Variants in TPST1 observed in about 807,000 individuals in gnomAD.
TPST1 encodes tyrosylprotein sulfotransferase 1.
A neutral mutation model predicts 34.8 loss-of-function variants in TPST1; 20 were observed. The ratio of observed to expected loss-of-function variants is 0.57; its 90% confidence interval spans 0.40 to 0.84. TPST1 has a LOEUF of 0.84. Among genes scored for constraint, TPST1 ranks in the 40% least tolerant of loss-of-function variants. The pLI is 0.00. For missense variants in TPST1, 353 were observed against 455.5 expected, an observed-to-expected ratio of 0.78 and a Z score of 2.05; for synonymous variants, 152 against 159.4, an observed-to-expected ratio of 0.95 and a Z score of 0.35.
chr7:66,286,149 CTT>C (rs903300345), intron 2 of TPST1, among the ~76,000 whole-genome samples: 1 of 151,986 alleles, frequency 6.6e-6, no homozygotes, highest in South Asian at 2.1e-4. Context: ...ATCAGTCTGT[CTT>C]TTTTTTGGTA....
At chr7:66,359,853 G>A (rs1490452961) in intron 5 of TPST1, 42 bp from the exon 6 acceptor site, 5 of 456,296 alleles carry the variant, frequency 1.1e-5, no homozygotes, top group African/African-American at 4.0e-5. Flanking sequence ...AGAACACACC[G>A]GGACTCCACA....
intron 2 of TPST1, among the ~76,000 whole-genome samples, chr7:66,260,268 C>G (rs1369059299): frequency 1.3e-5 from 2 of 152,066 alleles, no homozygotes; most frequent in Non-Finnish European, 2.9e-5. Context: ...CATATTACAC[C>G]TTATGCACAT....
rs1789117646 is a variant in TPST1, at chr7:66,205,892, T to C, written c.-102+370T>C. The C allele has an allele frequency of 6.6e-6, 1 of 152,496 alleles. No homozygotes were observed. Among genetic ancestry groups the C allele is most frequent in the South Asian group, 2.1e-4 (1 of 4,842 alleles). 9.4% of individuals were successfully genotyped at this position (152,496 alleles called of 1,614,324 possible). A position where few individuals can be genotyped will look rare whatever the true frequency, so the allele number is the denominator to read the frequency against. ...CCACGTCTACCCCGGCTGCGCTTCT[T>C]GAGCTCATCGCCCCATCATCCTACC... On this transcript the variant is annotated intron_variant, in intron 1 of 5. Coordinates refer to ENST00000304842, the MANE Select transcript of TPST1 (RefSeq NM_003596.4). The surrounding 1 kb of genome is among the most constrained non-coding windows in gnomAD (Gnocchi z 5.0).
intron 2 of TPST1, among the ~76,000 whole-genome samples, chr7:66,279,704 G>A (rs1790894659): frequency 6.6e-6 from 1 of 152,134 alleles, no homozygotes; most frequent in Admixed American, 6.6e-5. Flanking sequence ...TGGGGTAAGA[G>A]GGGCCTTTTC....
chr7:66,252,111 G>T (rs1042549549), intron 2 of TPST1, among the ~76,000 whole-genome samples: 7 of 152,028 alleles, frequency 4.6e-5, no homozygotes, highest in Admixed American at 1.3e-4. Context: ...AGGCTAGAGT[G>T]CAGTGGTGCG....
At chr7:66,218,516 A>G (rs1331132301) in intron 1 of TPST1, among the ~76,000 whole-genome samples, 1 of 152,204 alleles carries the variant, frequency 6.6e-6, no homozygotes, top group Admixed American at 6.5e-5. Flanking sequence ...GGAAAGGTAT[A>G]ACAAGACAAT....
At chr7:66,252,218 C>T (rs537303401) in intron 2 of TPST1, among the ~76,000 whole-genome samples, 45 of 151,928 alleles carry the variant, frequency 3.0e-4, no homozygotes, top group African/African-American at 8.0e-4. Context: ...CCACCACACC[C>T]GGCTATTTTT....
At chr7:66,293,186 AC>A (rs1360647302) in intron 3 of TPST1, among the ~76,000 whole-genome samples, 2 of 151,752 alleles carry the variant, frequency 1.3e-5, no homozygotes, top group African/African-American at 4.8e-5. Context: ...AGCCTGGATG[AC>A]AGAGCGAGAC....
At chr7:66,233,308 G>C (rs931145011) in intron 1 of TPST1, among the ~76,000 whole-genome samples, 2 of 151,962 alleles carry the variant, frequency 1.3e-5, no homozygotes, top group Non-Finnish European at 2.9e-5. Context: ...TTACACCTTT[G>C]TTTTGTTCTA....
intron 2 of TPST1, among the ~76,000 whole-genome samples, chr7:66,280,981 T>C (rs904846757): frequency 4.6e-5 from 7 of 152,182 alleles, no homozygotes; most frequent in African/African-American, 1.7e-4. Flanking sequence ...AGATATCACT[T>C]ATTGTTTTGA....
intron 3 of TPST1, among the ~76,000 whole-genome samples, chr7:66,347,953 A>G (rs1792389118): frequency 6.6e-6 from 1 of 152,110 alleles, no homozygotes; most frequent in Non-Finnish European, 1.5e-5. Context: ...TCTAGTTTGG[A>G]TGCCCTTTCT....
chr7:66,273,009 G>C (rs1387127667), intron 2 of TPST1, among the ~76,000 whole-genome samples: 2 of 152,134 alleles, frequency 1.3e-5, no homozygotes, highest in Non-Finnish European at 2.9e-5. Flanking sequence ...GTTTGCTGAT[G>C]ACATGATCTT....
intron 3 of TPST1, among the ~76,000 whole-genome samples, chr7:66,334,335 T>C (rs1199007978): frequency 6.6e-6 from 1 of 151,992 alleles, no homozygotes; most frequent in East Asian, 1.9e-4. Flanking sequence ...CCCACAAAAA[T>C]GCAACTAGAA....
the TPST1 span, among the ~76,000 whole-genome samples, chr7:66,199,546 C>G: frequency 6.6e-6 from 1 of 151,846 alleles, no homozygotes; most frequent in Non-Finnish European, 1.5e-5. Context: ...CTGATCGCCT[C>G]GCTTCTTGAA....
At chr7:66,326,390 C>G (rs1380288720) in intron 3 of TPST1, among the ~76,000 whole-genome samples, 1 of 152,122 alleles carries the variant, frequency 6.6e-6, no homozygotes, top group Non-Finnish European at 1.5e-5. Flanking sequence ...AAAAGTTCCC[C>G]AGTTTGAGAA....
At chr7:66,223,797 A>T (rs1789594537) in intron 1 of TPST1, among the ~76,000 whole-genome samples, 1 of 152,216 alleles carries the variant, frequency 6.6e-6, no homozygotes, top group South Asian at 2.1e-4. Flanking sequence ...ACTCAGCTTC[A>T]ACAGTGAGCT....
At chr7:66,236,297 C>T (rs1789911349) in intron 1 of TPST1, among the ~76,000 whole-genome samples, 2 of 152,074 alleles carry the variant, frequency 1.3e-5, no homozygotes, top group African/African-American at 4.8e-5. Context: ...AGTTCAGTCA[C>T]CGCAAAAAGT....
At position 66,227,716 on chromosome 7, in the gene TPST1, G is replaced by T. The variant is rs367771872; in HGVS notation, c.-101-12609G>T. ...GTCTGATTCTGACTGTATTTTGAAA[G>T]TAGAGCCAACAGATTTTTTTTTTTT... On this transcript the variant is annotated intron_variant, in intron 1 of 5. Coordinates refer to ENST00000304842, the MANE Select transcript of TPST1 (RefSeq NM_003596.4). 3.1e-4 allele frequency among the ~76,000 whole-genome samples: 42 copies of T among 137,574 alleles called. No individual in the cohort carries two copies. The East Asian group carries it at 6.4e-3, about 21-fold the overall frequency. The allele number at this position is 137,574 out of a possible 152,430, so 90.3% of individuals were successfully genotyped here.
intron 2 of TPST1, among the ~76,000 whole-genome samples, chr7:66,254,220 A>C (rs1790334819): frequency 6.6e-6 from 1 of 152,118 alleles, no homozygotes; most frequent in Non-Finnish European, 1.5e-5. Flanking sequence ...TTAAAATATT[A>C]AGCCATTCTA....
Sources: gnomAD v4.1 joint callset for allele counts (sites outside exome capture counted in the v4.1 genomes callset) on GRCh38, gnomAD v4.1.1 for gene constraint, Gnocchi (gnomAD v3.1) non-coding constraint, MANE v1.5 for transcripts, NCBI Gene and HGNC (gene_info 2026-07-23, HGNC 2026-07-21) for gene names.